MYH9: variants seen among roughly 807,000 people sequenced by gnomAD.
The protein encoded by MYH9 is myosin heavy chain 9, also known as myosin-9.
A neutral mutation model predicts 241.9 loss-of-function variants in MYH9; 29 were observed. The observed-to-expected ratio is 0.12, with a 90% CI of 0.09 to 0.16. The LOEUF is 0.16. Among genes scored for constraint, MYH9 ranks in the 10% least tolerant of loss-of-function variants. The probability of loss-of-function intolerance (pLI) is 1.00; values close to 1 mark genes in which losing one functional copy is unlikely to be tolerated. For missense variants in MYH9, 1,803 were observed against 2,595.5 expected (o/e 0.69, Z 6.63); for synonymous variants, 1,047 against 1,062.6 (o/e 0.99, Z 0.29).
At chr22:36,286,647 G>A in intron 35 of MYH9, 71 bp downstream of exon 35, 13 of 1,601,090 alleles carry the variant, frequency 8.1e-6, no homozygotes, top group Non-Finnish European at 1.1e-5. Context: ...CCTGTCCTCA[G>A]CTGAAAGCCC....
At chr22:36,314,640 G>GTTTTTTTTTTTT (rs371769551) in intron 12 of MYH9, among the ~76,000 whole-genome samples, 1 of 149,922 alleles carries the variant, frequency 6.7e-6, no homozygotes. Context: ...GTAATACATT[G>GTTTTTTTTTTTT]TTTTTTTTTT....
chr22:36,372,196 T>A (rs1461124150), intron 1 of MYH9, among the ~76,000 whole-genome samples: 2 of 152,048 alleles, frequency 1.3e-5, no homozygotes, highest in Non-Finnish European at 2.9e-5. Flanking sequence ...TTTTAAATAG[T>A]ATAAATTCAG....
chr22:36,288,939 C>A lies in MYH9; in HGVS notation c.4558G>T (p.Val1520Phe). The A allele has an allele frequency of 6.2e-7, 1 of 1,613,874 alleles. No individual in the cohort carries two copies. Among genetic ancestry groups the A allele is most frequent in the Middle Eastern group, 1.6e-4 (1 of 6,062 alleles). ...CGCTTGGACTTCTCCAGCTCGTGGA[C>A]CTGAGCCCCAGAGAGCCCAAGTCAG... ...MSSKDDVGKS[V>F]HELEKSKRAL... The change falls in exon 33 of 41, where the codon GTC becomes TTC. Residue 1520 changes from valine to phenylalanine, a missense_variant and splice_region_variant. Coordinates refer to ENST00000216181, the MANE Select transcript of MYH9 (RefSeq NM_002473.6). This position sits in a 1 kb window ranked among gnomAD's most constrained non-coding sequence, Gnocchi z 4.8.
chr22:36,345,529 C>T, intron 2 of MYH9, among the ~76,000 whole-genome samples: 1 of 152,072 alleles, frequency 6.6e-6, no homozygotes, highest in East Asian at 1.9e-4. Flanking sequence ...ATAAAGCCTG[C>T]CAAGAGGAGC....
chr22:36,307,015 CAGTT>C (rs2016981540), intron 15 of MYH9, among the ~76,000 whole-genome samples: 1 of 151,390 alleles, frequency 6.6e-6, no homozygotes, highest in Non-Finnish European at 1.5e-5. Flanking sequence ...CCTATGGTCA[CAGTT>C]AGAAAAAAAA....
Position 36,320,785 on chromosome 22 carries a change from G to A in MYH9, c.868+13C>T. ...CGGCAGCCCCGGTGTCAGGCTGCAGGCCAACTACTCACTCTTCAGGTGCTC... is the reference window on the plus strand; with the variant it reads ...CGGCAGCCCCGGTGTCAGGCTGCAGACCAACTACTCACTCTTCAGGTGCTC... On this transcript the variant is annotated intron_variant, in intron 8 of 40. Transcript: ENST00000216181. This position sits in a 1 kb window ranked among gnomAD's most constrained non-coding sequence, Gnocchi z 4.8. The A allele has an allele frequency of 1.2e-6, 2 of 1,606,118 alleles. No homozygotes were observed. Among genetic ancestry groups the A allele is most frequent in the Non-Finnish European group, 1.7e-6 (2 of 1,173,006 alleles).
intron 3 of MYH9, 29 bp from the exon 4 acceptor site, chr22:36,327,517 C>A: frequency 6.2e-7 from 1 of 1,613,770 alleles, no homozygotes; most frequent in South Asian, 1.1e-5. Flanking sequence ...CAGATTAACT[C>A]CCGCCAGATG....
intron 35 of MYH9, among the ~76,000 whole-genome samples, 166 bp downstream of exon 35, chr22:36,286,551 CG>C (rs1413723215): frequency 2.0e-5 from 3 of 152,196 alleles, no homozygotes; most frequent in African/African-American, 7.2e-5. Flanking sequence ...GAGGGAGCCC[CG>C]CTATGAAACG....
At chr22:36,377,670 G>A (rs189459832) in intron 1 of MYH9, among the ~76,000 whole-genome samples, 1 of 152,272 alleles carries the variant, frequency 6.6e-6, no homozygotes, top group Non-Finnish European at 1.5e-5. Flanking sequence ...AGCACTTTGG[G>A]AGGCCAAGGC....
intron 3 of MYH9, among the ~76,000 whole-genome samples, chr22:36,327,789 C>T (rs1263015044): frequency 6.6e-6 from 1 of 152,226 alleles, no homozygotes; most frequent in Non-Finnish European, 1.5e-5. Flanking sequence ...GTGGAAAACT[C>T]TCCAGGAGTC....
At chr22:36,364,599 C>T (rs186294674) in intron 1 of MYH9, among the ~76,000 whole-genome samples, 25 of 152,292 alleles carry the variant, frequency 1.6e-4, no homozygotes, top group Middle Eastern at 3.4e-3. Flanking sequence ...CTCCGCCCCA[C>T]CCCCTGCCTC....
At chr22:36,286,056 C>T (rs2016575132) in intron 35 of MYH9, 103 bp from the exon 36 acceptor site, 1 of 1,274,066 alleles carries the variant, frequency 7.8e-7, no homozygotes, top group Admixed American at 1.9e-5. Flanking sequence ...CCCAGGCCCA[C>T]CTCCCCACGA....
intron 1 of MYH9, among the ~76,000 whole-genome samples, chr22:36,363,035 G>A (rs1011718565): frequency 1.3e-5 from 2 of 152,096 alleles, no homozygotes; most frequent in African/African-American, 4.8e-5. Context: ...AGCAGCCTTT[G>A]CTTCAGCTGT....
At chr22:36,373,433 T>C (rs980145852) in intron 1 of MYH9, among the ~76,000 whole-genome samples, 1 of 152,032 alleles carries the variant, frequency 6.6e-6, no homozygotes, top group South Asian at 2.1e-4. Context: ...GGAGGCGGGG[T>C]GAACAGGTTG....
At chr22:36,286,242 A>G (rs1048056134) in intron 35 of MYH9, among the ~76,000 whole-genome samples, 9 of 152,342 alleles carry the variant, frequency 5.9e-5, no homozygotes, top group Non-Finnish European at 1.3e-4. Context: ...ACGTGGACAG[A>G]GTCACTCAGG....
chr22:36,374,522 A>C (rs1026234235), intron 1 of MYH9, among the ~76,000 whole-genome samples: 1 of 152,204 alleles, frequency 6.6e-6, no homozygotes, highest in Non-Finnish European at 1.5e-5. Flanking sequence ...TCTGTTTCAA[A>C]TAATAATAAT....
chr22:36,297,197 C>A, intron 24 of MYH9, 183 bp from the exon 25 acceptor site: 2 of 664,934 alleles, frequency 3.0e-6, no homozygotes, highest in Non-Finnish European at 5.2e-6. Flanking sequence ...AAACTGCTAG[C>A]CCCTGGCATG....
At chr22:36,319,799 G>A (rs968120678) in intron 9 of MYH9, 164 bp from the exon 10 acceptor site, 12 of 737,632 alleles carry the variant, frequency 1.6e-5, no homozygotes, top group Admixed American at 1.5e-4. Flanking sequence ...AACGGTGTGC[G>A]GTGGGCCCAG....
chr22:36,355,848 C>A (rs538250153), intron 1 of MYH9, among the ~76,000 whole-genome samples: 1 of 152,178 alleles, frequency 6.6e-6, no homozygotes, highest in East Asian at 1.9e-4. Context: ...GAGAACCCCC[C>A]CTTTATTAAT....
Sources: gnomAD v4.1 joint callset for allele counts (sites outside exome capture counted in the v4.1 genomes callset) on GRCh38, gnomAD v4.1.1 for gene constraint, Gnocchi (gnomAD v3.1) non-coding constraint, MANE v1.5 for transcripts, NCBI Gene and HGNC (gene_info 2026-07-23, HGNC 2026-07-21) for gene names.